The following PCCA variants were observed in gnomAD, a reference collection of about 807,000 sequenced individuals.
PCCA encodes the protein propionyl-CoA carboxylase alpha chain, mitochondrial.
Under a neutral mutation model 101.3 loss-of-function variants are expected in PCCA, and 74 were observed. That is an observed-to-expected ratio of 0.73 (90% CI 0.61 to 0.89). PCCA has a LOEUF of 0.89. PCCA is among the 40% of genes least tolerant of loss of function. The pLI, the probability that PCCA is intolerant of heterozygous loss-of-function variation, is 0.00. For synonymous variants in PCCA, 294 were observed against 313.6 expected, an observed-to-expected ratio of 0.94 and a Z score of 0.66; for missense variants, 891 against 907.0, an observed-to-expected ratio of 0.98 and a Z score of 0.23.
chr13:100,469,041 G>A (rs1309645328), intron 21 of PCCA, among the ~76,000 whole-genome samples: 11 of 151,336 alleles, frequency 7.3e-5, no homozygotes, highest in East Asian at 3.9e-4. Flanking sequence ...GAGAAACCCC[G>A]TCTCTACTAA....
intron 6 of PCCA, among the ~76,000 whole-genome samples, chr13:100,186,544 C>T (rs1414282450): frequency 6.6e-6 from 1 of 151,804 alleles, no homozygotes; most frequent in Non-Finnish European, 1.5e-5. Flanking sequence ...GAGTTTGAGA[C>T]CTCCCTGGGC....
At position 100,479,986 on chromosome 13, in the gene PCCA, A is replaced by G. The variant is rs2083754949; in HGVS notation, c.1899+30681A>G. On this transcript the variant is annotated intron_variant, in intron 21 of 23. Transcript: ENST00000376285. ...CATGGGTCTTGATTCCTGACTCAGG[A>G]GCACCCATTACAGAAAAGCCCTGGG... Among the ~76,000 whole-genome samples, 7 of 152,152 alleles carry G rather than the reference A, an allele frequency of 4.6e-5. No individual in the cohort carries two copies. The South Asian group carries it at 1.4e-3, about 32-fold the overall frequency.
Position 100,527,767 on chromosome 13 carries a change from C to A in PCCA, c.2118+15C>A. The stretch of plus-strand genomic sequence containing the variant: ...AAACTGGCACGGTGAGTCCCTAAGT[C>A]CCCATCAGCCCAGGCCGGCCCTGTG... On this transcript the variant is annotated intron_variant, in intron 23 of 23. Coordinates refer to ENST00000376285, the MANE Select transcript of PCCA (RefSeq NM_000282.4). 1 of 1,585,074 alleles carries A rather than the reference C, an allele frequency of 6.3e-7. No homozygotes were observed. The highest frequency in any genetic ancestry group is 8.7e-7 in the Non-Finnish European group (1 of 1,154,670).
chr13:100,137,052 T>A (rs1003518110), intron 4 of PCCA, among the ~76,000 whole-genome samples: 4 of 151,712 alleles, frequency 2.6e-5, no homozygotes, highest in Admixed American at 6.6e-5. Flanking sequence ...CATCTAATAT[T>A]TTTTTTTATA....
At chr13:100,101,227 A>G (rs1276357031) in intron 1 of PCCA, among the ~76,000 whole-genome samples, 1 of 152,214 alleles carries the variant, frequency 6.6e-6, no homozygotes, top group African/African-American at 2.4e-5. Context: ...TTGAGTAGAT[A>G]TTAGTGTTTA....
intron 6 of PCCA, among the ~76,000 whole-genome samples, chr13:100,189,758 C>T (rs1594634223): frequency 6.6e-6 from 1 of 152,346 alleles, no homozygotes; most frequent in East Asian, 1.9e-4. Flanking sequence ...AATCCCCTTG[C>T]TTTGGCCTCC....
At chr13:100,330,761 G>T in intron 17 of PCCA, 90 bp downstream of exon 17, 1 of 786,094 alleles carries the variant, frequency 1.3e-6, no homozygotes, top group South Asian at 1.5e-5. Context: ...TTGAAATTAA[G>T]GCCTTTTGGC....
chr13:100,338,694 C>T (rs1210890529), intron 17 of PCCA, among the ~76,000 whole-genome samples: 2 of 147,838 alleles, frequency 1.4e-5, no homozygotes. Context: ...GTTTATTAGG[C>T]TGTTGTGAGG....
chr13:100,110,308 T>C (rs1466185220), intron 2 of PCCA, among the ~76,000 whole-genome samples: 1 of 152,216 alleles, frequency 6.6e-6, no homozygotes, highest in African/African-American at 2.4e-5. Flanking sequence ...GTGTATTACA[T>C]CCAAATTACT....
chr13:100,457,421 T>C (rs1177661593), intron 21 of PCCA, among the ~76,000 whole-genome samples: 1 of 152,156 alleles, frequency 6.6e-6, no homozygotes, highest in Non-Finnish European at 1.5e-5. Flanking sequence ...TCATAGATGC[T>C]GATAGAAAAC....
intron 6 of PCCA, among the ~76,000 whole-genome samples, chr13:100,199,181 G>T (rs753619052): frequency 6.6e-6 from 1 of 151,910 alleles, no homozygotes; most frequent in Non-Finnish European, 1.5e-5. Context: ...AATAGGTCCA[G>T]ACGCAGATGT....
intron 19 of PCCA, among the ~76,000 whole-genome samples, chr13:100,411,107 T>C (rs748532768): frequency 6.6e-6 from 1 of 152,186 alleles, no homozygotes; most frequent in South Asian, 2.1e-4. Context: ...TTTTAATCAG[T>C]AGACACAGAA....
chr13:100,327,397 G>A (rs1176907407), intron 16 of PCCA, among the ~76,000 whole-genome samples: 2 of 152,094 alleles, frequency 1.3e-5, no homozygotes, highest in Non-Finnish European at 2.9e-5. Flanking sequence ...TATTTAATGT[G>A]TTATTGACTC....
intron 9 of PCCA, among the ~76,000 whole-genome samples, 185 bp from the exon 10 acceptor site, chr13:100,262,537 CTTAGTTA>C (rs1299278455): frequency 6.6e-6 from 1 of 152,210 alleles, no homozygotes; most frequent in East Asian, 1.9e-4. Flanking sequence ...CCAAAATTAA[CTTAGTTA>C]TTTGTATATT....
In PCCA at chr13:100,474,450, C is replaced by G. The variant is rs112181046; in HGVS notation, c.1899+25145C>G. ...TTATGTATTTACTGTTTCTCTCTCT[C>G]TCTCTCTCTCTCTCTCTCTGTCTCT... On this transcript the variant is annotated intron_variant, in intron 21 of 23. Coordinates refer to ENST00000376285, the MANE Select transcript of PCCA (RefSeq NM_000282.4). 3.0e-3 allele frequency among the ~76,000 whole-genome samples: 380 copies of G among 125,498 alleles called. 6 individuals carry two copies. Among genetic ancestry groups the G allele is most frequent in the African/African-American group, 9.5e-3 (367 of 38,798 alleles). 82.3% of individuals were successfully genotyped at this position (125,498 alleles called of 152,430 possible).
At chr13:100,439,998 T>A (rs2080219275) in intron 20 of PCCA, among the ~76,000 whole-genome samples, 1 of 151,774 alleles carries the variant, frequency 6.6e-6, no homozygotes, top group South Asian at 2.1e-4. Flanking sequence ...GTAGCACCAC[T>A]GCATTCTATA....
At chr13:100,267,708 A>C (rs530125691) in intron 10 of PCCA, among the ~76,000 whole-genome samples, 47 of 152,334 alleles carry the variant, frequency 3.1e-4, no homozygotes, top group African/African-American at 1.1e-3. Context: ...CAGATGTTCT[A>C]GGCAAAAACT....
intron 6 of PCCA, among the ~76,000 whole-genome samples, chr13:100,184,257 C>T (rs747902040): frequency 1.3e-5 from 2 of 152,206 alleles, no homozygotes; most frequent in African/African-American, 2.4e-5. Context: ...ATACAGCCTA[C>T]ACAACCATAG....
rs531289083 is a variant in PCCA at position 100,435,524 on chromosome 13, A to G, written c.1845+9793A>G. ...AGCTCCCGATTCATCCAGTCCGATC[A>G]CGTGTATTCATGTTCCTGGTTTTCA... On this transcript the variant is annotated intron_variant, in intron 20 of 23. Transcript: ENST00000376285. 2.6e-4 allele frequency among the ~76,000 whole-genome samples: 39 copies of G among 152,336 alleles called. No homozygotes were observed. In the East Asian group the frequency reaches 7.3e-3, roughly 29 times the overall value.
Sources: allele counts gnomAD v4.1 joint callset (sites outside exome capture counted in the v4.1 genomes callset), GRCh38; gene constraint gnomAD v4.1.1; transcripts MANE v1.5; gene names NCBI Gene and HGNC (gene_info 2026-07-23, HGNC 2026-07-21).